Variants in TRPM4 observed in about 807,000 individuals in gnomAD.
The protein encoded by TRPM4 is transient receptor potential cation channel subfamily M member 4, also known as calcium-activated non-selective cation channel 1.
TRPM4 carries 124 observed loss-of-function variants against 135.6 expected under a neutral mutation model. That is an observed-to-expected ratio of 0.91 (90% CI 0.79 to 1.06). TRPM4 has a LOEUF of 1.06. TRPM4 is among the 50% of genes least tolerant of loss of function. TRPM4 has a pLI of 0.00. For synonymous variants in TRPM4, 745 were observed against 705.6 expected, an observed-to-expected ratio of 1.06 and a Z score of -0.88; for missense variants, 1,658 against 1,671.4, an observed-to-expected ratio of 0.99 and a Z score of 0.14.
At chr19:49,182,358 A>G (rs1967995408) in intron 10 of TRPM4, among the ~76,000 whole-genome samples, 1 of 138,924 alleles carries the variant, frequency 7.2e-6, no homozygotes, top group Admixed American at 7.7e-5. Context: ...CCCTCTGTCC[A>G]TCCATCCATC....
intron 19 of TRPM4, 30 bp from the exon 20 acceptor site, chr19:49,201,934 C>T: frequency 4.3e-6 from 7 of 1,611,420 alleles, no homozygotes; most frequent in Non-Finnish European, 5.9e-6. Context: ...CTGTCCCCCT[C>T]ACCCCATCTC....
In TRPM4 at chr19:49,182,296, TCATCCATCCATCCCTCTGTC is replaced by T. The variant is rs1162432206; in HGVS notation, c.1264-228_1264-209del. Among the ~76,000 whole-genome samples the T allele has an allele frequency of 3.8e-3, 358 of 93,246 alleles. 3 individuals carry two copies. The highest frequency in any genetic ancestry group is 9.3e-3 in the Middle Eastern group (1 of 108). 61.2% of individuals were successfully genotyped at this position (93,246 alleles called of 152,430 possible). A position where few individuals can be genotyped will look rare whatever the true frequency, so the allele number is the denominator to read the frequency against. ...TCCATCCATCCATCTACCTATCCGTTCATCCATCCATCCCTCTGTCCATCCATCCATCCCTCTGTCCATCC... is the reference window on the plus strand; with the variant it reads ...TCCATCCATCCATCTACCTATCCGTTCATCCATCCATCCCTCTGTCCATCC... On this transcript the variant is annotated intron_variant, in intron 10 of 24. Transcript: ENST00000252826.
intron 14 of TRPM4, 54 bp from the exon 15 acceptor site, chr19:49,190,154 T>C (rs1968355018): frequency 6.7e-7 from 1 of 1,497,080 alleles, no homozygotes; most frequent in Non-Finnish European, 9.3e-7. Flanking sequence ...CTGGGCGTCT[T>C]AGGGACGGGG....
intron 17 of TRPM4, among the ~76,000 whole-genome samples, chr19:49,197,308 T>TTTTCTTTCTTTCTTTCTTTC (rs78342507): frequency 1.6e-5 from 2 of 122,246 alleles, no homozygotes; most frequent in Non-Finnish European, 3.3e-5. Flanking sequence ...CTTTCTTTCT[T>TTTTCTTTCTTTCTTTCTTTC]TTTCTTTCTT....
chr19:49,201,096 G>A (rs555502516), intron 19 of TRPM4, among the ~76,000 whole-genome samples: 126 of 149,620 alleles, frequency 8.4e-4, no homozygotes, highest in African/African-American at 2.9e-3. Context: ...AATTTTTTTA[G>A]TAAAGCCATT....
rs1969362694 is a variant in TRPM4 at position 49,211,330 on chromosome 19, T to C, written c.3640+61T>C. On this transcript the variant is annotated intron_variant, in intron 24 of 24. Transcript: ENST00000252826. The surrounding 1 kb of genome is among the most constrained non-coding windows in gnomAD (Gnocchi z 4.8). ...TCTGTTCCTGTATTTTTGCGTGTTT[T>C]TCTCTCTCGGCACCTTTCCAGTGTC... is the stretch of plus-strand genomic sequence containing the variant. 2 of 1,583,420 alleles carry C rather than the reference T, an allele frequency of 1.3e-6. No homozygotes were observed. Among genetic ancestry groups the C allele is most frequent in the South Asian group, 2.2e-5 (2 of 90,170 alleles).
At chr19:49,203,805 A>G (rs751813543) in intron 20 of TRPM4, among the ~76,000 whole-genome samples, 1 of 152,192 alleles carries the variant, frequency 6.6e-6, no homozygotes, top group Non-Finnish European at 1.5e-5. Context: ...ATTCCGTTTT[A>G]TGAATGAGTA....
At chr19:49,164,926 T>A (rs922612990) in intron 2 of TRPM4, among the ~76,000 whole-genome samples, 1 of 151,600 alleles carries the variant, frequency 6.6e-6, no homozygotes, top group Non-Finnish European at 1.5e-5. Context: ...TATTTATTTT[T>A]AGAGACAGGG....
chr19:49,186,014 G>C (rs1968183786), intron 12 of TRPM4, among the ~76,000 whole-genome samples: 1 of 152,208 alleles, frequency 6.6e-6, no homozygotes, highest in Admixed American at 6.5e-5. Context: ...GCCTCCCAAA[G>C]TGTTAGGATT....
At chr19:49,193,961 C>G (rs922110685) in intron 16 of TRPM4, among the ~76,000 whole-genome samples, 5 of 150,690 alleles carry the variant, frequency 3.3e-5, no homozygotes, top group Admixed American at 6.6e-5. Flanking sequence ...TCCTCCTCTT[C>G]CTACTCATCC....
intron 9 of TRPM4, among the ~76,000 whole-genome samples, chr19:49,178,282 G>A (rs747636706): frequency 3.9e-5 from 6 of 152,102 alleles, no homozygotes; most frequent in Non-Finnish European, 5.9e-5. Flanking sequence ...CTGTGATGGC[G>A]CCACTGCACT....
intron 2 of TRPM4, among the ~76,000 whole-genome samples, chr19:49,165,365 C>G (rs1255363557): frequency 1.3e-5 from 2 of 152,142 alleles, no homozygotes; most frequent in African/African-American, 4.8e-5. Context: ...TATTCTAGCA[C>G]CCGGCTGAGC....
intron 14 of TRPM4, 23 bp downstream of exon 14, chr19:49,189,114 T>A: frequency 1.2e-6 from 2 of 1,613,744 alleles, no homozygotes. Context: ...GACACCAACA[T>A]CCCAAACAGT....
In TRPM4 at chr19:49,190,774, G is replaced by A; in HGVS notation, c.2210+1G>A. 6.2e-7 allele frequency: 1 copy of A among 1,614,120 alleles called. No individual in the cohort carries two copies. The highest frequency in any genetic ancestry group is 8.5e-7 in the Non-Finnish European group (1 of 1,179,992). On this transcript the variant is annotated splice_donor_variant, in intron 16 of 24. Coordinates refer to ENST00000252826, the MANE Select transcript of TRPM4 (RefSeq NM_017636.4). LOFTEE classifies it high-confidence loss of function. ...TCATTAATGGGGAAGGGCCTGTCGGGTGAGTGGAGCCTCCAGCACTGTGTG... is the reference window on the plus strand; with the variant it reads ...TCATTAATGGGGAAGGGCCTGTCGGATGAGTGGAGCCTCCAGCACTGTGTG...
Position 49,181,455 on chromosome 19 carries a change from A to G in TRPM4, c.1257A>G (p.Gln419=). The change falls in exon 10 of 25, where the codon CAA becomes CAG. Residue 419 remains glutamine, a synonymous_variant. Coordinates refer to ENST00000252826, the MANE Select transcript of TRPM4 (RefSeq NM_017636.4). ...GTGAACTCTTTCGGGGGGACATCCA[A>G]TGGCGGGTGAGGGGTCAGGGCCTGG... ...AQSELFRGDI[Q]WRSFHLEASL... is the part of the protein sequence containing the mutation. 2 of 1,610,456 alleles carry G rather than the reference A, an allele frequency of 1.2e-6. No homozygotes were observed. The highest frequency in any genetic ancestry group is 1.7e-6 in the Non-Finnish European group (2 of 1,178,280).
Position 49,182,826 on chromosome 19 carries a change from G to A in TRPM4, c.1512G>A (p.Gly504=), listed in dbSNP as rs1275146922. 12 of 1,613,342 alleles carry A rather than the reference G, an allele frequency of 7.4e-6. No individual in the cohort carries two copies. Among genetic ancestry groups the A allele is most frequent in the Non-Finnish European group, 1.0e-5 (12 of 1,179,858 alleles). Residue 504 remains glycine (G), a synonymous_variant, in exon 11 of 25, where the codon GGG becomes GGA. Transcript: ENST00000252826. ...GAAELRPPDV[G]HVLRMLLGKM... ...CGGAGCTCCGGCCCCCTGACGTGGG[G>A]CATGTGCTGAGGATGCTGCTGGGGA...
At chr19:49,175,337 AG>A (rs1471010772) in intron 9 of TRPM4, among the ~76,000 whole-genome samples, 5 of 150,664 alleles carry the variant, frequency 3.3e-5, no homozygotes, top group African/African-American at 1.2e-4. Context: ...GGCCTCCCAA[AG>A]TGCTGGGATT....
chr19:49,182,404 C>CCATCCATT, intron 10 of TRPM4, 174 bp from the exon 11 acceptor site: 1 of 660,482 alleles, frequency 1.5e-6, no homozygotes, highest in Non-Finnish European at 2.8e-6. Context: ...GCCCATCCAT[C>CCATCCATT]CATCTGTCCA....
intron 6 of TRPM4, among the ~76,000 whole-genome samples, chr19:49,170,047 C>T (rs978895889): frequency 1.3e-5 from 2 of 152,086 alleles, no homozygotes; most frequent in Non-Finnish European, 2.9e-5. Flanking sequence ...CAAATAGGTA[C>T]TTTTGTCCCT....
Sources: allele counts gnomAD v4.1 joint callset (sites outside exome capture counted in the v4.1 genomes callset), GRCh38; gene constraint gnomAD v4.1.1; non-coding constraint Gnocchi (gnomAD v3.1); transcripts MANE v1.5; gene names NCBI Gene and HGNC (gene_info 2026-07-23, HGNC 2026-07-21).